Variants in ACOXL observed in about 807,000 individuals in gnomAD.
ACOXL encodes the protein acyl-CoA oxidase like.
A neutral mutation model predicts 71.9 loss-of-function variants in ACOXL; 70 were observed. The observed-to-expected ratio is 0.97, with a 90% CI of 0.80 to 1.19. ACOXL has a LOEUF of 1.19. Ranked by LOEUF, ACOXL falls within the 50% of genes most tolerant of loss-of-function variation. ACOXL has a pLI of 0.00. For missense variants in ACOXL, 703 were observed against 736.3 expected (o/e 0.95, Z 0.52); for synonymous variants, 253 against 281.6 (o/e 0.90, Z 1.02).
At chr2:111,011,934 C>A (rs1257311328) in intron 14 of ACOXL, among the ~76,000 whole-genome samples, 16 of 143,258 alleles carry the variant, frequency 1.1e-4, no homozygotes, top group African/African-American at 3.4e-4. Context: ...TAAAGAAAGT[C>A]ATTTTTTGAT....
At chr2:111,079,967 C>T (rs1250189525) in intron 16 of ACOXL, among the ~76,000 whole-genome samples, 1 of 151,808 alleles carries the variant, frequency 6.6e-6, no homozygotes, top group Non-Finnish European at 1.5e-5. Flanking sequence ...GTATGTGTCC[C>T]AGAATTTATC....
At chr2:111,112,776 T>C (rs536699868) in intron 17 of ACOXL, among the ~76,000 whole-genome samples, 1 of 152,326 alleles carries the variant, frequency 6.6e-6, no homozygotes, top group South Asian at 2.1e-4. Context: ...GAGGGGCCTG[T>C]TGACCAGTGT....
intron 12 of ACOXL, among the ~76,000 whole-genome samples, chr2:110,942,886 AAAGG>A (rs201667526): frequency 0.011 from 1,714 of 151,130 alleles, 44 homozygotes; most frequent in African/African-American, 0.04. Flanking sequence ...CCTGAAAAAA[AAAGG>A]AAGGCAGGAA....
At chr2:111,077,881 C>G (rs1007403478) in intron 16 of ACOXL, among the ~76,000 whole-genome samples, 23 of 152,150 alleles carry the variant, frequency 1.5e-4, no homozygotes, top group African/African-American at 5.1e-4. Context: ...TATGATGTGT[C>G]TAGGCATAAA....
intron 3 of ACOXL, among the ~76,000 whole-genome samples, chr2:110,785,349 C>T (rs976197743): frequency 6.7e-6 from 1 of 149,558 alleles, no homozygotes; most frequent in East Asian, 2.0e-4. Flanking sequence ...TCAGATTTCA[C>T]GAGTTTTTAC....
chr2:110,936,436 T>C (rs1362687709), intron 12 of ACOXL, among the ~76,000 whole-genome samples: 1 of 152,084 alleles, frequency 6.6e-6, no homozygotes, highest in African/African-American at 2.4e-5. Context: ...GGCTAATTTA[T>C]TTTTTGTAGA....
intron 10 of ACOXL, among the ~76,000 whole-genome samples, chr2:110,851,578 C>T (rs953011393): frequency 3.9e-5 from 6 of 152,230 alleles, no homozygotes; most frequent in East Asian, 1.9e-4. Flanking sequence ...CAGCTCTGGA[C>T]GCCCTAGACT....
chr2:110,886,740 C>T, intron 10 of ACOXL: 2 of 1,550,524 alleles, frequency 1.3e-6, no homozygotes, highest in Non-Finnish European at 1.7e-6. Flanking sequence ...TGCGGAAGAA[C>T]TGAATTTGTT....
chr2:111,049,347 A>C (rs1200038499), intron 16 of ACOXL, 59 bp downstream of exon 16: 1 of 1,328,544 alleles, frequency 7.5e-7, no homozygotes, highest in Non-Finnish European at 1.1e-6. Flanking sequence ...TATTGCCCTG[A>C]GGAGAGTTTC....
chr2:110,805,600 A>T (rs1414204944), intron 9 of ACOXL, among the ~76,000 whole-genome samples: 1 of 152,198 alleles, frequency 6.6e-6, no homozygotes, highest in Non-Finnish European at 1.5e-5. Flanking sequence ...ACCCATCTAC[A>T]TCCCAGATGT....
chr2:111,022,923 C>T (rs1321985586), intron 14 of ACOXL, among the ~76,000 whole-genome samples: 6 of 152,230 alleles, frequency 3.9e-5, no homozygotes, highest in Non-Finnish European at 7.3e-5. Flanking sequence ...TTTCCCGTGA[C>T]TCTGCAAGGT....
chr2:110,819,598 T>C (rs1313776011), intron 9 of ACOXL, among the ~76,000 whole-genome samples: 1 of 152,174 alleles, frequency 6.6e-6, no homozygotes, highest in Non-Finnish European at 1.5e-5. Context: ...CATAGCTTCA[T>C]GGAAGCGAAG....
chr2:110,822,251 G>A (rs1275164667), intron 9 of ACOXL, among the ~76,000 whole-genome samples: 1 of 152,016 alleles, frequency 6.6e-6, no homozygotes, highest in East Asian at 1.9e-4. Flanking sequence ...ATATTCATTT[G>A]TATCTATGTT....
intron 11 of ACOXL, 112 bp from the exon 12 acceptor site, chr2:110,933,377 G>T: frequency 1.5e-6 from 2 of 1,299,426 alleles, no homozygotes; most frequent in Non-Finnish European, 1.0e-6. Context: ...CTGCATCACT[G>T]ACATCATATT....
chr2:110,947,255 C>T (rs76045592), intron 12 of ACOXL, among the ~76,000 whole-genome samples: 1,814 of 152,318 alleles, frequency 0.012, 44 homozygotes, highest in African/African-American at 0.042. Flanking sequence ...TTTAGTTCTG[C>T]TTTCACATTG....
rs1248116264 is a variant in ACOXL, at chr2:110,794,176, TGA to T, written c.345+4_345+5del. The T allele has an allele frequency of 6.2e-7, 1 of 1,613,912 alleles. No individual in the cohort carries two copies. Among genetic ancestry groups the T allele is most frequent in the Non-Finnish European group, 8.5e-7 (1 of 1,179,800 alleles). On this transcript the variant is annotated splice_donor_region_variant and intron_variant, in intron 5 of 17. Coordinates refer to ENST00000439055, the MANE Select transcript of ACOXL (RefSeq NM_001142807.4). ...GCCACCTTTGACCTCTCTGCCCAGG[TGA>T]GGAATCCATCCTTCTCCTGCCGTGC...
At chr2:110,738,255 A>G (rs1342184944) in intron 1 of ACOXL, among the ~76,000 whole-genome samples, 2 of 152,198 alleles carry the variant, frequency 1.3e-5, no homozygotes, top group East Asian at 3.9e-4. Flanking sequence ...GAGAAAAGCC[A>G]TCCCTATTTG....
At chr2:110,839,979 GTTGTTGTTGT>G (rs1288886965) in intron 9 of ACOXL, among the ~76,000 whole-genome samples, 10 of 151,918 alleles carry the variant, frequency 6.6e-5, no homozygotes, top group African/African-American at 2.2e-4. Flanking sequence ...TAGGTTTGTT[GTTGTTGTTGT>G]TTGTTGTTGT....
intron 1 of ACOXL, among the ~76,000 whole-genome samples, chr2:110,766,364 C>CATGT (rs1681068340): frequency 1.3e-5 from 2 of 152,216 alleles, no homozygotes; most frequent in South Asian, 4.1e-4. Flanking sequence ...TCCAGGTGGC[C>CATGT]ATGTATATTC....
Sources: gnomAD v4.1 joint callset for allele counts (sites outside exome capture counted in the v4.1 genomes callset) on GRCh38, gnomAD v4.1.1 for gene constraint, MANE v1.5 for transcripts, NCBI Gene and HGNC (gene_info 2026-07-23, HGNC 2026-07-21) for gene names.